NGLY1: variants seen among roughly 807,000 people sequenced by gnomAD.
The protein encoded by NGLY1 is N-glycanase 1.
In NGLY1, 68 loss-of-function variants were observed where a neutral mutation model predicts 84.6. The ratio of observed to expected loss-of-function variants is 0.80; its 90% confidence interval spans 0.66 to 0.98. NGLY1 has a LOEUF of 0.98. Among genes scored for constraint, NGLY1 ranks in the 50% least tolerant of loss-of-function variants. The pLI, the probability that NGLY1 is intolerant of heterozygous loss-of-function variation, is 0.00. For missense variants in NGLY1, 779 were observed against 770.2 expected, an observed-to-expected ratio of 1.01 and a Z score of -0.14; for synonymous variants, 280 against 275.2, an observed-to-expected ratio of 1.02 and a Z score of -0.17.
rs1474323909 is a variant in NGLY1 at position 25,783,193 on chromosome 3, C to A, written c.131+67G>T. 7 of 1,470,904 alleles carry A rather than the reference C, an allele frequency of 4.8e-6. No homozygotes were observed. The highest frequency in any genetic ancestry group is 5.7e-6 in the Non-Finnish European group (6 of 1,061,668). 91.1% of individuals were successfully genotyped at this position (1,470,904 alleles called of 1,614,324 possible). On this transcript the variant is annotated intron_variant, in intron 1 of 11. Coordinates refer to ENST00000280700, the MANE Select transcript of NGLY1 (RefSeq NM_018297.4). The surrounding 1 kb of genome is among the most constrained non-coding windows in gnomAD (Gnocchi z 4.5). ...GAAGCTCAGGCCGGACGCCCCAGTC[C>A]CTGGCCGAACAAGGTGCCGCGGCCC...
At chr3:25,775,299 T>C (rs1328654686) in intron 2 of NGLY1, among the ~76,000 whole-genome samples, 1 of 152,218 alleles carries the variant, frequency 6.6e-6, no homozygotes, top group East Asian at 1.9e-4. Flanking sequence ...CTATCCACCA[T>C]TTTCCAAAAT....
upstream of NGLY1, among the ~76,000 whole-genome samples, chr3:25,785,535 T>C (rs1186206341): frequency 3.3e-5 from 5 of 151,550 alleles, no homozygotes; most frequent in East Asian, 1.9e-4. Flanking sequence ...TTTTTTTTTT[T>C]CAAATAAAAT....
intron 4 of NGLY1, chr3:25,749,751 T>A: frequency 6.6e-7 from 1 of 1,522,766 alleles, no homozygotes; most frequent in Non-Finnish European, 9.0e-7. Flanking sequence ...CTTGAAGTGC[T>A]GCTGATGTGC....
At chr3:25,724,482 T>C (rs1473018396) in intron 10 of NGLY1, among the ~76,000 whole-genome samples, 2 of 152,200 alleles carry the variant, frequency 1.3e-5, no homozygotes, top group Non-Finnish European at 2.9e-5. Flanking sequence ...TACTTCCAAT[T>C]TATTCCATTT....
intron 10 of NGLY1, among the ~76,000 whole-genome samples, chr3:25,723,636 A>T (rs1326798351): frequency 6.6e-6 from 1 of 152,238 alleles, no homozygotes; most frequent in Non-Finnish European, 1.5e-5. Context: ...AAAGGAAAAA[A>T]AAAAGCAAAC....
chr3:25,734,595 C>A (rs952372683), intron 7 of NGLY1: 1 of 167,490 alleles, frequency 6.0e-6, no homozygotes, highest in African/African-American at 2.4e-5. Flanking sequence ...GCTTGTAATC[C>A]CAGTTACTCA....
rs762058191 is a variant in NGLY1 at position 25,783,416 on chromosome 3, C to T, written c.-26G>A. 7.9e-6 allele frequency: 12 copies of T among 1,519,946 alleles called. No individual in the cohort carries two copies. Among genetic ancestry groups the T allele is most frequent in the South Asian group, 4.8e-5 (4 of 82,662 alleles). 94.2% of individuals were successfully genotyped at this position (1,519,946 alleles called of 1,614,324 possible). A position where few individuals can be genotyped will look rare whatever the true frequency, so the allele number is the denominator to read the frequency against. On this transcript the variant is annotated 5_prime_UTR_variant, in exon 1 of 12. Transcript: ENST00000280700. This position sits in a 1 kb window ranked among gnomAD's most constrained non-coding sequence, Gnocchi z 4.5. ...GCTTGAGCGCCAGCGGGCGCCGCCG[C>T]CGCCCCTCGCTCTCCGCGTCCCACA...
intron 5 of NGLY1, 148 bp from the exon 6 acceptor site, chr3:25,737,603 C>T (rs977466068): frequency 1.1e-5 from 8 of 695,766 alleles, no homozygotes; most frequent in African/African-American, 5.6e-5. Context: ...AGTGCAGTGG[C>T]GCAATCTCGG....
intron 4 of NGLY1, among the ~76,000 whole-genome samples, chr3:25,748,411 G>A (rs1039718351): frequency 7.2e-5 from 11 of 152,096 alleles, no homozygotes; most frequent in Admixed American, 2.0e-4. Context: ...TGAAGCCTCT[G>A]ATACCTACGG....
chr3:25,783,473 C>T (rs933630088), upstream of NGLY1: 1 of 1,332,188 alleles, frequency 7.5e-7, no homozygotes, highest in Non-Finnish European at 9.6e-7. This position sits in a 1 kb window ranked among gnomAD's most constrained non-coding sequence, Gnocchi z 4.5. Flanking sequence ...CAGCAGCTAC[C>T]GCAGCCACCG....
intron 3 of NGLY1, among the ~76,000 whole-genome samples, chr3:25,753,874 C>T (rs917454620): frequency 2.0e-5 from 3 of 152,048 alleles, no homozygotes; most frequent in African/African-American, 7.2e-5. Context: ...AGAGACAGGT[C>T]GATAACAACA....
intron 7 of NGLY1, chr3:25,734,703 CTG>C: frequency 3.8e-6 from 3 of 781,122 alleles, no homozygotes; most frequent in Non-Finnish European, 4.7e-6. Context: ...GAGGGTGAGA[CTG>C]TCTCGAAAAA....
At chr3:25,753,943 T>G (rs1706894509) in intron 3 of NGLY1, among the ~76,000 whole-genome samples, 1 of 152,184 alleles carries the variant, frequency 6.6e-6, no homozygotes. Context: ...CTGGAATGGG[T>G]GCACAAGACA....
chr3:25,745,327 A>T (rs1002930530), intron 4 of NGLY1, among the ~76,000 whole-genome samples: 7 of 151,840 alleles, frequency 4.6e-5, no homozygotes, highest in African/African-American at 1.7e-4. Context: ...CTGTAATCCT[A>T]CCTCTCCACC....
intron 1 of NGLY1, among the ~76,000 whole-genome samples, chr3:25,782,558 T>C (rs571373465): frequency 6.6e-6 from 1 of 152,260 alleles, no homozygotes; most frequent in East Asian, 1.9e-4. Flanking sequence ...AAGTGCAATT[T>C]TGCTGACAGG....
intron 4 of NGLY1, among the ~76,000 whole-genome samples, chr3:25,745,626 C>T (rs1706381175): frequency 6.6e-6 from 1 of 152,122 alleles, no homozygotes; most frequent in Admixed American, 6.5e-5. Flanking sequence ...TATTCTATAA[C>T]CCCAACAACT....
chr3:25,755,621 T>C, intron 3 of NGLY1: 10 of 1,497,298 alleles, frequency 6.7e-6, no homozygotes, highest in Non-Finnish European at 9.3e-6. Flanking sequence ...ACACAGCCAA[T>C]GAAGCAAACC....
Position 25,751,283 on chromosome 3 carries a change from CTG to C in NGLY1, c.493-22_493-21del. ...AGCAACCTAATAGGAAAAAAAAAAA[CTG>C]AAATTAACTTTTCACCATATGCTAC... is the stretch of plus-strand genomic sequence containing the variant. On this transcript the variant is annotated intron_variant, in intron 3 of 11. Transcript: ENST00000280700. The C allele has an allele frequency of 6.8e-7, 1 of 1,476,504 alleles. No individual in the cohort carries two copies. Among genetic ancestry groups the C allele is most frequent in the Non-Finnish European group, 9.0e-7 (1 of 1,111,290 alleles). The allele number at this position is 1,476,504 out of a possible 1,614,324, so 91.5% of individuals were successfully genotyped here.
chr3:25,764,176 G>T lies in NGLY1; in HGVS notation c.382C>A (p.Pro128Thr), dbSNP rs200974129. ...GTAGGAAGCTGGGTACTGGCTGCAG[G>T]TTGCTGAGATGACTTTACTTTGTGG... The part of the protein sequence containing the change: ...KSHKVKSSQQ[P>T]AASTQLPTTP... The change falls in exon 3 of 12, where the codon CCT becomes ACT. Residue 128 changes from proline to threonine, a missense_variant. By Grantham distance (38) the Pro-to-Thr change is conservative (BLOSUM62 -1). Transcript: ENST00000280700. 6.2e-7 allele frequency: 1 copy of T among 1,614,050 alleles called. No homozygotes were observed. The highest frequency in any genetic ancestry group is 8.5e-7 in the Non-Finnish European group (1 of 1,180,040).
Sources: allele counts gnomAD v4.1 joint callset (sites outside exome capture counted in the v4.1 genomes callset), GRCh38; gene constraint gnomAD v4.1.1; non-coding constraint Gnocchi (gnomAD v3.1); transcripts MANE v1.5; gene names NCBI Gene and HGNC (gene_info 2026-07-23, HGNC 2026-07-21).